Variants in TRAF7 observed in about 807,000 individuals in gnomAD.
TRAF7 encodes the protein E3 ubiquitin-protein ligase TRAF7.
A neutral mutation model predicts 89.3 loss-of-function variants in TRAF7; 45 were observed. That is an observed-to-expected ratio of 0.50 (90% CI 0.40 to 0.65). The LOEUF is 0.65. Among genes scored for constraint, TRAF7 ranks in the 30% least tolerant of loss-of-function variants. TRAF7 has a pLI of 0.00. For missense variants in TRAF7, 677 were observed against 918.1 expected, an observed-to-expected ratio of 0.74 and a Z score of 3.39; for synonymous variants, 406 against 369.2, an observed-to-expected ratio of 1.10 and a Z score of -1.14.
At chr16:2,164,486 T>C (rs1305369443) in intron 2 of TRAF7, among the ~76,000 whole-genome samples, 2 of 137,558 alleles carry the variant, frequency 1.5e-5, no homozygotes, top group African/African-American at 5.6e-5. Context: ...GGTCGCATGG[T>C]TAAGCGTGTG....
At chr16:2,174,781 G>T (rs1274474096) in intron 14 of TRAF7, among the ~76,000 whole-genome samples, 4 of 152,212 alleles carry the variant, frequency 2.6e-5, no homozygotes, top group African/African-American at 9.6e-5. Context: ...GAGCAAGTAA[G>T]CGTGTGCGTG....
chr16:2,169,035 G>A (rs2093098109), intron 4 of TRAF7, among the ~76,000 whole-genome samples: 1 of 152,064 alleles, frequency 6.6e-6, no homozygotes, highest in South Asian at 2.1e-4. Flanking sequence ...GCCCAGGCTG[G>A]AGTGCAATGG....
chr16:2,158,832 T>C lies in TRAF7; in HGVS notation c.-39+2974T>C, dbSNP rs2093046703. Among the ~76,000 whole-genome samples, 1 of 146,532 alleles carries C rather than the reference T, an allele frequency of 6.8e-6. No individual in the cohort carries two copies. Among genetic ancestry groups the C allele is most frequent in the Non-Finnish European group, 1.5e-5 (1 of 67,232 alleles). On this transcript the variant is annotated intron_variant, in intron 1 of 20. Coordinates refer to ENST00000326181, the MANE Select transcript of TRAF7 (RefSeq NM_032271.3). The surrounding 1 kb of genome is among the most constrained non-coding windows in gnomAD (Gnocchi z 4.7). ...AAAGCTCACGACCTGTTTCTGAGAGTCTGAGGCCCACTTGACTTGGGTGAG... is the reference window on the plus strand; with the variant it reads ...AAAGCTCACGACCTGTTTCTGAGAGCCTGAGGCCCACTTGACTTGGGTGAG...
Position 2,165,899 on chromosome 16 carries a change from C to G in TRAF7, c.102C>G (p.Phe34Leu). Residue 34 changes from phenylalanine (F) to leucine (L), a missense_variant, in exon 3 of 21, where the codon TTC becomes TTG. Transcript: ENST00000326181. ...VTTGTRMETTFGPAFSAVTTI... is the reference protein window; with the variant it reads ...VTTGTRMETTLGPAFSAVTTI... The stretch of plus-strand genomic sequence containing the variant: ...TCTAGACCAGAATGGAAACGACCTT[C>G]GGACCCGCCTTTTCAGCCGTCACCA... The G allele has an allele frequency of 1.2e-6, 2 of 1,614,112 alleles. No individual in the cohort carries two copies. Among genetic ancestry groups the G allele is most frequent in the Non-Finnish European group, 8.5e-7 (1 of 1,179,970 alleles).
In TRAF7 at chr16:2,177,066, G is replaced by A. The variant is rs903965905; in HGVS notation, c.*492G>A. The A allele has an allele frequency of 1.0e-5, 3 of 291,932 alleles. No individual in the cohort carries two copies. The highest frequency in any genetic ancestry group is 7.4e-5 in the South Asian group (1 of 13,442). 18.1% of individuals were successfully genotyped at this position (291,932 alleles called of 1,614,324 possible). ...TTCCTTTGGTGGACCCCAGGACTTC[G>A]GCCCACTCCGGGGCCTCCCCTCCCT... On this transcript the variant is annotated 3_prime_UTR_variant, in exon 21 of 21. Transcript: ENST00000326181.
At chr16:2,172,763 G>C (rs779957559) in intron 9 of TRAF7, among the ~76,000 whole-genome samples, 164 bp downstream of exon 9, 36 of 152,166 alleles carry the variant, frequency 2.4e-4, no homozygotes, top group Non-Finnish European at 4.3e-4. Context: ...CCCAGAGGGG[G>C]AGCCGAGGGC....
rs1283571501 is a variant in TRAF7 at position 2,158,797 on chromosome 16, G to GC, written c.-39+2940dup. Among the ~76,000 whole-genome samples the GC allele has an allele frequency of 6.6e-6, 1 of 151,082 alleles. No homozygotes were observed. Among genetic ancestry groups the GC allele is most frequent in the Non-Finnish European group, 1.5e-5 (1 of 67,790 alleles). ...GGGGGGGGGGACACTGCCACCCTTG[G>GC]CTCTTGGGCAAAGCTCACGACCTGT... is the stretch of plus-strand genomic sequence containing the variant. On this transcript the variant is annotated intron_variant, in intron 1 of 20. Coordinates refer to ENST00000326181, the MANE Select transcript of TRAF7 (RefSeq NM_032271.3). This position sits in a 1 kb window ranked among gnomAD's most constrained non-coding sequence, Gnocchi z 4.7.
Position 2,163,806 on chromosome 16 carries a change from A to T in TRAF7, c.-38-77A>T. ...CCACGGTGCCCCACAGCAGGTCTGC[A>T]CACTTGCAGCAGCCCGTCTGACTCA... On this transcript the variant is annotated intron_variant, in intron 1 of 20. Coordinates refer to ENST00000326181, the MANE Select transcript of TRAF7 (RefSeq NM_032271.3). This position sits in a 1 kb window ranked among gnomAD's most constrained non-coding sequence, Gnocchi z 4.3. The T allele has an allele frequency of 1.0e-6, 1 of 973,944 alleles. No individual in the cohort carries two copies. Among genetic ancestry groups the T allele is most frequent in the Non-Finnish European group, 1.6e-6 (1 of 627,016 alleles). The allele number at this position is 973,944 out of a possible 1,614,324, so 60.3% of individuals were successfully genotyped here.
Position 2,173,248 on chromosome 16 carries a change from G to A in TRAF7, c.861G>A (p.Leu287=), listed in dbSNP as rs758491174. The change falls in exon 10 of 21, where the codon CTG becomes CTA. Residue 287 remains leucine (L), a synonymous_variant. Coordinates refer to ENST00000326181, the MANE Select transcript of TRAF7 (RefSeq NM_032271.3). ...TGGAGACTTGCCGCTTCGAGGGCCTGAAGGAGTTTCTGCAGCAGACGGATG... is the reference window on the plus strand; with the variant it reads ...TGGAGACTTGCCGCTTCGAGGGCCTAAAGGAGTTTCTGCAGCAGACGGATG... The part of the protein sequence containing the change: ...THLETCRFEG[L]KEFLQQTDDR... 6 of 1,613,356 alleles carry A rather than the reference G, an allele frequency of 3.7e-6. No homozygotes were observed. Among genetic ancestry groups the A allele is most frequent in the Non-Finnish European group, 2.5e-6 (3 of 1,179,976 alleles).
At position 2,168,898 on chromosome 16, in the gene TRAF7, CCT is replaced by C. The variant is rs1010106060; in HGVS notation, c.231+735_231+736del. On this transcript the variant is annotated intron_variant, in intron 4 of 20. Coordinates refer to ENST00000326181, the MANE Select transcript of TRAF7 (RefSeq NM_032271.3). The surrounding 1 kb of genome is among the most constrained non-coding windows in gnomAD (Gnocchi z 4.1). Reference sequence around the variant, plus strand: ...CAGCAGGGGGTGGGGGTGTGTGGGGCCTCTCTGGCAGCTGCCTCTCTCCAGTG... The same window carrying C: ...CAGCAGGGGGTGGGGGTGTGTGGGGCCTCTGGCAGCTGCCTCTCTCCAGTG... 6.6e-6 allele frequency among the ~76,000 whole-genome samples: 1 copy of C among 152,132 alleles called. No individual in the cohort carries two copies. Among genetic ancestry groups the C allele is most frequent in the Non-Finnish European group, 1.5e-5 (1 of 68,030 alleles).
At position 2,155,791 on chromosome 16, in the gene TRAF7, G is replaced by C. The variant is rs938504686; in HGVS notation, c.-106G>C. The stretch of plus-strand genomic sequence containing the variant: ...GGCTCGCGCGTCTAGTCCCTTTCCC[G>C]GCCGGCGGCCGAGGGGGCATCATGA... On this transcript the variant is annotated 5_prime_UTR_variant, in exon 1 of 21. Coordinates refer to ENST00000326181, the MANE Select transcript of TRAF7 (RefSeq NM_032271.3). 5.3e-5 allele frequency: 8 copies of C among 151,710 alleles called. No individual in the cohort carries two copies. The highest frequency in any genetic ancestry group is 1.7e-4 in the African/African-American group (7 of 41,362). 9.4% of individuals were successfully genotyped at this position (151,710 alleles called of 1,614,324 possible). A position where few individuals can be genotyped will look rare whatever the true frequency, so the allele number is the denominator to read the frequency against.
rs1312987098 is a variant in TRAF7, at chr16:2,163,186, T to TTCTCCCTGCCCCCCC, written c.-38-696_-38-682dup. Among the ~76,000 whole-genome samples, 3 of 152,134 alleles carry TTCTCCCTGCCCCCCC rather than the reference T, an allele frequency of 2.0e-5. No individual in the cohort carries two copies. Among genetic ancestry groups the TTCTCCCTGCCCCCCC allele is most frequent in the Admixed American group, 2.0e-4 (3 of 15,284 alleles). Reference sequence around the variant, plus strand: ...CTGGGGAGGGTGATTCCCGCATGCCTTCTCCCTGCCCCCCCACCCACCAGC... The same window carrying TTCTCCCTGCCCCCCC: ...CTGGGGAGGGTGATTCCCGCATGCCTTCTCCCTGCCCCCCCTCTCCCTGCCCCCCCACCCACCAGC... On this transcript the variant is annotated intron_variant, in intron 1 of 20. Transcript: ENST00000326181. The surrounding 1 kb of genome is among the most constrained non-coding windows in gnomAD (Gnocchi z 4.3).
At position 2,163,997 on chromosome 16, in the gene TRAF7, CAG is replaced by C. The variant is rs1259765033; in HGVS notation, c.78_79del (p.Gly27AspfsTer21). On this transcript the variant is annotated frameshift_variant and splice_region_variant, in exon 2 of 21. Coordinates refer to ENST00000326181, the MANE Select transcript of TRAF7 (RefSeq NM_032271.3). LOFTEE classifies it high-confidence loss of function. The surrounding 1 kb of genome is among the most constrained non-coding windows in gnomAD (Gnocchi z 4.3). The stretch of plus-strand genomic sequence containing the variant: ...AATCTTCCCACCCCAGACGTCACCA[CAG>C]GGGTAAGGGTGTGCCCCTCTGCAAG... The C allele has an allele frequency of 2.5e-6, 4 of 1,611,202 alleles. No homozygotes were observed. The highest frequency in any genetic ancestry group is 2.2e-5 in the South Asian group (2 of 90,652).
chr16:2,169,305 T>C (rs2093098937), intron 4 of TRAF7, among the ~76,000 whole-genome samples: 1 of 152,162 alleles, frequency 6.6e-6, no homozygotes, highest in Admixed American at 6.5e-5. Context: ...TTTTAATTAA[T>C]TGAACAAACA....
intron 14 of TRAF7, among the ~76,000 whole-genome samples, chr16:2,174,724 G>T (rs1379222470): frequency 6.6e-6 from 1 of 152,232 alleles, no homozygotes; most frequent in Non-Finnish European, 1.5e-5. Flanking sequence ...CTTGCCTCCA[G>T]GTGGCCCGCC....
At position 2,158,128 on chromosome 16, in the gene TRAF7, G is replaced by A. The variant is rs1324898601; in HGVS notation, c.-39+2270G>A. 6.6e-6 allele frequency among the ~76,000 whole-genome samples: 1 copy of A among 152,216 alleles called. No individual in the cohort carries two copies. The highest frequency in any genetic ancestry group is 1.5e-5 in the Non-Finnish European group (1 of 68,038). On this transcript the variant is annotated intron_variant, in intron 1 of 20. Transcript: ENST00000326181. The surrounding 1 kb of genome is among the most constrained non-coding windows in gnomAD (Gnocchi z 4.7). ...ACAGCATCTCCTGGATGGACACCCTGCGGGGTCAGGGAGGGCATGTGGGGA... is the reference window on the plus strand; with the variant it reads ...ACAGCATCTCCTGGATGGACACCCTACGGGGTCAGGGAGGGCATGTGGGGA...
chr16:2,163,606 G>A lies in TRAF7; in HGVS notation c.-38-277G>A, dbSNP rs1037205116. ...AGCCAGGCAGGGGTCCCTCCACCTC[G>A]GGGAAGAGCTGGATGGGCTCTTCGG... On this transcript the variant is annotated intron_variant, in intron 1 of 20. Transcript: ENST00000326181. The surrounding 1 kb of genome is among the most constrained non-coding windows in gnomAD (Gnocchi z 4.3). 1.4e-4 allele frequency: 58 copies of A among 402,352 alleles called. No individual in the cohort carries two copies. Among genetic ancestry groups the A allele is most frequent in the Non-Finnish European group, 2.0e-4 (42 of 215,230 alleles). The allele number at this position is 402,352 out of a possible 1,614,324, so 24.9% of individuals were successfully genotyped here. A position where few individuals can be genotyped will look rare whatever the true frequency, so the allele number is the denominator to read the frequency against.
intron 4 of TRAF7, among the ~76,000 whole-genome samples, chr16:2,169,936 G>A (rs1011217569): frequency 1.3e-5 from 2 of 152,168 alleles, no homozygotes; most frequent in Non-Finnish European, 2.9e-5. Flanking sequence ...GCCTTGGGCA[G>A]TGTGGCTCTT....
chr16:2,159,574 C>T lies in TRAF7; in HGVS notation c.-39+3716C>T, dbSNP rs1034599004. ...GGCTGAGGCAGGGGCTGGGCTGGGG[C>T]GGGCAGTCTGTGGGTGCCCTGGGCA... On this transcript the variant is annotated intron_variant, in intron 1 of 20. Coordinates refer to ENST00000326181, the MANE Select transcript of TRAF7 (RefSeq NM_032271.3). The surrounding 1 kb of genome is among the most constrained non-coding windows in gnomAD (Gnocchi z 6.5). 5.9e-5 allele frequency among the ~76,000 whole-genome samples: 9 copies of T among 152,014 alleles called. No individual in the cohort carries two copies. Among genetic ancestry groups the T allele is most frequent in the African/African-American group, 1.9e-4 (8 of 41,398 alleles).
Sources: gnomAD v4.1 joint callset for allele counts (sites outside exome capture counted in the v4.1 genomes callset) on GRCh38, gnomAD v4.1.1 for gene constraint, Gnocchi (gnomAD v3.1) non-coding constraint, MANE v1.5 for transcripts, NCBI Gene and HGNC (gene_info 2026-07-23, HGNC 2026-07-21) for gene names.